MPPED1: variants seen among roughly 807,000 people sequenced by gnomAD.
The protein encoded by MPPED1 is metallophosphoesterase domain-containing protein 1.
A neutral mutation model predicts 36.2 loss-of-function variants in MPPED1; 16 were observed. That is an observed-to-expected ratio of 0.44 (90% CI 0.30 to 0.67). The LOEUF (loss-of-function observed/expected upper bound fraction) is 0.67. MPPED1 is among the 30% of genes least tolerant of loss of function. MPPED1 has a pLI of 0.10. For synonymous variants in MPPED1, 199 were observed against 191.3 expected, an observed-to-expected ratio of 1.04 and a Z score of -0.33; for missense variants, 307 against 453.4, an observed-to-expected ratio of 0.68 and a Z score of 2.93.
At chr22:43,459,770 A>G (rs961676929) in intron 3 of MPPED1, among the ~76,000 whole-genome samples, 2 of 152,226 alleles carry the variant, frequency 1.3e-5, no homozygotes, top group South Asian at 4.1e-4. Context: ...TTCTTTGAAC[A>G]TATTTCTAAT....
At chr22:43,503,160 C>T (rs1207637661) in intron 6 of MPPED1, among the ~76,000 whole-genome samples, 2 of 152,142 alleles carry the variant, frequency 1.3e-5, no homozygotes, top group African/African-American at 2.4e-5. Context: ...GCTTCTGTCC[C>T]CAGGGCCTGG....
intron 3 of MPPED1, among the ~76,000 whole-genome samples, chr22:43,441,139 G>C (rs1265387729): frequency 6.6e-6 from 1 of 152,050 alleles, no homozygotes; most frequent in African/African-American, 2.4e-5. Flanking sequence ...TGTCTGCCAG[G>C]GTTTTAGACT....
At chr22:43,416,924 T>A (rs1929095362) in intron 1 of MPPED1, 1 of 950,928 alleles carries the variant, frequency 1.1e-6, no homozygotes, top group African/African-American at 1.8e-5. Flanking sequence ...ATATTCAGAA[T>A]TTGAAGACAA....
intron 2 of MPPED1, among the ~76,000 whole-genome samples, chr22:43,434,493 C>T (rs1431684142): frequency 6.6e-6 from 1 of 152,186 alleles, no homozygotes; most frequent in Non-Finnish European, 1.5e-5. Context: ...CCATAGCGCC[C>T]CTAAAGGGTA....
At chr22:43,492,397 G>A (rs560276988) in intron 4 of MPPED1, among the ~76,000 whole-genome samples, 1 of 152,226 alleles carries the variant, frequency 6.6e-6, no homozygotes, top group East Asian at 1.9e-4. Flanking sequence ...CTGCAGGCCT[G>A]TGTGGATGTG....
intron 3 of MPPED1, among the ~76,000 whole-genome samples, chr22:43,451,961 C>G (rs1930584899): frequency 6.6e-6 from 1 of 152,146 alleles, no homozygotes; most frequent in African/African-American, 2.4e-5. Flanking sequence ...CTGCTGTCCA[C>G]TATGGATACC....
intron 3 of MPPED1, among the ~76,000 whole-genome samples, chr22:43,457,336 T>C (rs1425483625): frequency 6.6e-6 from 1 of 152,192 alleles, no homozygotes; most frequent in African/African-American, 2.4e-5. Context: ...CAGCTCTCTT[T>C]TGGCGTCTGG....
chr22:43,449,167 T>A (rs781068921), intron 3 of MPPED1, among the ~76,000 whole-genome samples: 14 of 152,184 alleles, frequency 9.2e-5, no homozygotes, highest in Admixed American at 2.0e-4. Context: ...AAGCCTCGTA[T>A]CCAAGTCACA....
rs780954997 is a variant in MPPED1, at chr22:43,505,647, C to T, written c.*31C>T. 44 of 1,559,372 alleles carry T rather than the reference C, an allele frequency of 2.8e-5. 1 individual carries two copies. The highest frequency in any genetic ancestry group is 2.3e-4 in the East Asian group (10 of 42,736). ...CCCCACTGCCCCTGCCCTGCCCGCC[C>T]GTGTCAGCTCCACAGGCCTGGCCCG... On this transcript the variant is annotated 3_prime_UTR_variant, in exon 7 of 7. Transcript: ENST00000443721.
At chr22:43,470,030 A>G in intron 3 of MPPED1, among the ~76,000 whole-genome samples, 1 of 152,062 alleles carries the variant, frequency 6.6e-6, no homozygotes. Context: ...CCATTAATCC[A>G]TCTATATATG....
intron 3 of MPPED1, among the ~76,000 whole-genome samples, chr22:43,471,892 G>C (rs1030236733): frequency 1.3e-5 from 2 of 152,336 alleles, no homozygotes; most frequent in African/African-American, 4.8e-5. Context: ...CAAGAGGAGG[G>C]TCAGGGAGGT....
intron 4 of MPPED1, among the ~76,000 whole-genome samples, chr22:43,475,699 T>C (rs1315553919): frequency 2.0e-5 from 3 of 147,206 alleles, no homozygotes; most frequent in Admixed American, 6.8e-5. Flanking sequence ...GTGATGATGG[T>C]GGTGGTGATG....
intron 6 of MPPED1, among the ~76,000 whole-genome samples, chr22:43,504,625 C>T (rs957198217): frequency 1.9e-4 from 29 of 148,838 alleles, no homozygotes; most frequent in Non-Finnish European, 3.3e-4. Flanking sequence ...GTTGATGGCA[C>T]TAGTGATGGT....
At chr22:43,491,363 G>A (rs1932075973) in intron 4 of MPPED1, among the ~76,000 whole-genome samples, 1 of 152,132 alleles carries the variant, frequency 6.6e-6, no homozygotes, top group Non-Finnish European at 1.5e-5. Context: ...TGATGTTGAT[G>A]TTGATAATGG....
At chr22:43,431,056 T>G (rs141763439) in intron 2 of MPPED1, among the ~76,000 whole-genome samples, 3,798 of 86,028 alleles carry the variant, frequency 0.044, 346 homozygotes, top group South Asian at 0.24. Context: ...TTTTTTTTTT[T>G]TTTTAGACAG....
At chr22:43,488,801 C>G (rs1470460152) in intron 4 of MPPED1, among the ~76,000 whole-genome samples, 1 of 152,230 alleles carries the variant, frequency 6.6e-6, no homozygotes, top group Non-Finnish European at 1.5e-5. Context: ...ATAAAGCCGC[C>G]TTCCATGGCT....
intron 3 of MPPED1, among the ~76,000 whole-genome samples, chr22:43,456,119 C>G (rs946734322): frequency 2.0e-5 from 3 of 152,180 alleles, no homozygotes; most frequent in Non-Finnish European, 2.9e-5. Context: ...CCCTTCCGTT[C>G]TGGATGCTTT....
intron 4 of MPPED1, among the ~76,000 whole-genome samples, chr22:43,487,108 G>A (rs1007996364): frequency 2.0e-5 from 3 of 152,096 alleles, no homozygotes; most frequent in South Asian, 2.1e-4. Context: ...ATTCATGGCC[G>A]TCTTGAGCAA....
At chr22:43,482,128 T>TA (rs371024806) in intron 4 of MPPED1, among the ~76,000 whole-genome samples, 9 of 152,120 alleles carry the variant, frequency 5.9e-5, no homozygotes, top group Admixed American at 2.0e-4. Context: ...TCCCAAGTGT[T>TA]AAAAAAAATC....
Sources: allele counts gnomAD v4.1 joint callset (sites outside exome capture counted in the v4.1 genomes callset), GRCh38; gene constraint gnomAD v4.1.1; transcripts MANE v1.5; gene names NCBI Gene and HGNC (gene_info 2026-07-23, HGNC 2026-07-21).